Variants in CTSB observed in about 807,000 individuals in gnomAD.
The protein encoded by CTSB is cathepsin B, also known as APP secretase.
In CTSB, 57 loss-of-function variants were observed where a neutral mutation model predicts 44.3. The ratio of observed to expected loss-of-function variants is 1.29; its 90% CI spans 1.04 to 1.60. The LOEUF (loss-of-function observed/expected upper bound fraction) is 1.60. Among genes scored for constraint, CTSB ranks in the 40% most tolerant of loss-of-function variants. The pLI, the probability that CTSB is intolerant of heterozygous loss-of-function variation, is 0.00. For missense variants in CTSB, 768 were observed against 443.0 expected, an observed-to-expected ratio of 1.73 and a Z score of -6.59; for synonymous variants, 320 against 168.0, an observed-to-expected ratio of 1.91 and a Z score of -7.00.
At position 11,842,955 on chromosome 8, in the gene CTSB, TTTTTAA is replaced by T; in HGVS notation, c.*2164_*2169del. 7.0e-6 allele frequency: 1 copy of T among 142,046 alleles called. No homozygotes were observed. The highest frequency in any genetic ancestry group is 1.5e-5 in the Non-Finnish European group (1 of 65,472). The allele number at this position is 142,046 out of a possible 1,614,324, so 8.8% of individuals were successfully genotyped here. A position where few individuals can be genotyped will look rare whatever the true frequency, so the allele number is the denominator to read the frequency against. On this transcript the variant is annotated 3_prime_UTR_variant, in exon 10 of 10. Coordinates refer to ENST00000353047, the MANE Select transcript of CTSB (RefSeq NM_001908.5). The stretch of plus-strand genomic sequence containing the variant: ...CCCGGCCTTTTTTTTTTTTTTTTTT[TTTTTAA>T]TTATTGAGACGGAGCCTTGCGCTGT...
chr8:11,861,849 T>C (rs1816462276), intron 1 of CTSB, among the ~76,000 whole-genome samples: 1 of 152,166 alleles, frequency 6.6e-6, no homozygotes, highest in Non-Finnish European at 1.5e-5. Context: ...GGCGGTTCCC[T>C]AATTCAACCG....
chr8:11,845,426 C>G (rs1254952980), intron 9 of CTSB, among the ~76,000 whole-genome samples: 2 of 152,238 alleles, frequency 1.3e-5, no homozygotes, highest in African/African-American at 4.8e-5. Context: ...CTTCCCATCA[C>G]AGGATCTGGC....
At chr8:11,848,479 C>T (rs1813882990) in intron 5 of CTSB, 1 of 429,222 alleles carries the variant, frequency 2.3e-6, no homozygotes, top group African/African-American at 2.0e-5. Flanking sequence ...CTAAACTTCC[C>T]TAAGGTACTT....
intron 4 of CTSB, chr8:11,849,663 C>T (rs1404642460): frequency 3.9e-5 from 6 of 152,584 alleles, no homozygotes. Flanking sequence ...TCACTGCAAC[C>T]TACGCCTCCT....
intron 8 of CTSB, 47 bp downstream of exon 8, chr8:11,847,005 C>T (rs375816064): frequency 3.3e-6 from 3 of 906,820 alleles, no homozygotes; most frequent in Non-Finnish European, 5.6e-6. Flanking sequence ...CACCCAGGCT[C>T]CCCTCCCGAC....
chr8:11,844,114 A>T lies in CTSB; in HGVS notation c.*1011T>A, dbSNP rs1812776578. 6.6e-6 allele frequency: 1 copy of T among 152,274 alleles called. No individual in the cohort carries two copies. The highest frequency in any genetic ancestry group is 1.5e-5 in the Non-Finnish European group (1 of 68,052). 9.4% of individuals were successfully genotyped at this position (152,274 alleles called of 1,614,324 possible). On this transcript the variant is annotated 3_prime_UTR_variant, in exon 10 of 10. Coordinates refer to ENST00000353047, the MANE Select transcript of CTSB (RefSeq NM_001908.5). Reference sequence around the variant, plus strand: ...CAAGCTTACCAGGCACTTACAGAGAAGGTTGACGAGGATGACAGGGAACTA... The same window carrying T: ...CAAGCTTACCAGGCACTTACAGAGATGGTTGACGAGGATGACAGGGAACTA...
rs1033965773 is a variant in CTSB at position 11,845,323 on chromosome 8, C to T, written c.923-101G>A. On this transcript the variant is annotated intron_variant, in intron 9 of 9. Transcript: ENST00000353047. ...CTTAAGTCACTCATCCCTGGCCACT[C>T]CTGCTGTTGGCCCACTAGCACAGTC... 11 of 903,294 alleles carry T rather than the reference C, an allele frequency of 1.2e-5. No individual in the cohort carries two copies. In the African/African-American group the frequency reaches 1.3e-4, roughly 11 times the overall value. 56.0% of individuals were successfully genotyped at this position (903,294 alleles called of 1,614,324 possible). A position where few individuals can be genotyped will look rare whatever the true frequency, so the allele number is the denominator to read the frequency against.
chr8:11,848,819 T>G, intron 5 of CTSB: 1 of 458,174 alleles, frequency 2.2e-6, no homozygotes, highest in Non-Finnish European at 4.1e-6. Context: ...ACTGACTGTT[T>G]TGCTGGGATG....
In CTSB at chr8:11,848,166, C is replaced by G. The variant is rs779076886; in HGVS notation, c.447-14G>C. On this transcript the variant is annotated splice_polypyrimidine_tract_variant and intron_variant, in intron 5 of 9. Coordinates refer to ENST00000353047, the MANE Select transcript of CTSB (RefSeq NM_001908.5). ...CCACCATTACAGCTGAAAAGACAGC[C>G]TCTAATGAAAACCTCTGAGAGAAGC... 7 of 1,612,302 alleles carry G rather than the reference C, an allele frequency of 4.3e-6. No homozygotes were observed. The highest frequency in any genetic ancestry group is 1.1e-5 in the South Asian group (1 of 91,054).
At chr8:11,847,644 C>A in intron 7 of CTSB, 35 bp downstream of exon 7, 2 of 1,505,530 alleles carry the variant, frequency 1.3e-6, no homozygotes, top group Non-Finnish European at 1.8e-6. Context: ...TCCCCAGCCT[C>A]CACGTGCGCC....
At chr8:11,861,373 G>A (rs142593517) in intron 1 of CTSB, 2 of 152,590 alleles carry the variant, frequency 1.3e-5, no homozygotes, top group East Asian at 3.9e-4. Flanking sequence ...GAACCAGGTT[G>A]GCCACTCACA....
chr8:11,865,610 AAAG>A (rs1293644295), intron 1 of CTSB: 1 of 151,586 alleles, frequency 6.6e-6, no homozygotes, highest in Non-Finnish European at 1.5e-5. Flanking sequence ...GAGAGAGAGA[AAAG>A]AAGAATCGAC....
At chr8:11,848,617 A>G (rs1443332449) in intron 5 of CTSB, 5 of 316,114 alleles carry the variant, frequency 1.6e-5, no homozygotes, top group Non-Finnish European at 3.1e-5. Context: ...GAACACCGCT[A>G]CTGCGGAACC....
At chr8:11,851,865 T>C (rs1212577368) in intron 3 of CTSB, among the ~76,000 whole-genome samples, 2 of 151,626 alleles carry the variant, frequency 1.3e-5, no homozygotes, top group Non-Finnish European at 2.9e-5. Context: ...CGGGGTTTCA[T>C]CATGTTGGTC....
intron 1 of CTSB, among the ~76,000 whole-genome samples, chr8:11,860,109 T>G (rs1040480882): frequency 6.6e-6 from 1 of 152,086 alleles, no homozygotes; most frequent in Non-Finnish European, 1.5e-5. Context: ...TCTTACATGG[T>G]CACAGAGCCC....
chr8:11,845,683 C>G lies in CTSB; in HGVS notation c.900G>C (p.Trp300Cys). 6.2e-7 allele frequency: 1 copy of G among 1,613,856 alleles called. No homozygotes were observed. Among genetic ancestry groups the G allele is most frequent in the Non-Finnish European group, 8.5e-7 (1 of 1,179,772 alleles). ...CACCATTGTCACCCCAGTCAGTGTTCCAGGAGTTGGCAACCAGCCAGTAGG... is the reference window on the plus strand; with the variant it reads ...CACCATTGTCACCCCAGTCAGTGTTGCAGGAGTTGGCAACCAGCCAGTAGG... ...GTPYWLVANS[W>C]NTDWGDNGFF... The change falls in exon 9 of 10, where the codon TGG (tryptophan) becomes TGC (cysteine). Residue 300 changes from tryptophan (W) to cysteine (C), a missense_variant. Physicochemically the swap from Trp to Cys is radical, Grantham distance 215. Transcript: ENST00000353047.
rs1188835036 is a variant in CTSB, at chr8:11,843,615, G to C, written c.*1510C>G. On this transcript the variant is annotated 3_prime_UTR_variant, in exon 10 of 10. Coordinates refer to ENST00000353047, the MANE Select transcript of CTSB (RefSeq NM_001908.5). ...GGCCCTGACTCCAGCCCAAACCAAG[G>C]CTGGAGGGCATCCAGGGGGATGTGG... is the stretch of plus-strand genomic sequence containing the variant. The C allele has an allele frequency of 1.3e-5, 2 of 152,270 alleles. No homozygotes were observed. The highest frequency in any genetic ancestry group is 2.9e-5 in the Non-Finnish European group (2 of 68,060). The allele number at this position is 152,270 out of a possible 1,614,324, so 9.4% of individuals were successfully genotyped here.
intron 1 of CTSB, among the ~76,000 whole-genome samples, chr8:11,862,710 G>C (rs376468619): frequency 6.6e-6 from 1 of 152,228 alleles, no homozygotes; most frequent in Non-Finnish European, 1.5e-5. Flanking sequence ...TGGGACTTGC[G>C]CAAGCCAGGA....
rs1813543881 is a variant in CTSB at position 11,847,153 on chromosome 8, C to G, written c.692G>C (p.Ser231Thr). ...GATGTCCTTCTCGCTATTGGAGACGCTGTAGGAATTGTATCCTGGAAAATG... is the reference window on the plus strand; with the variant it reads ...GATGTCCTTCTCGCTATTGGAGACGGTGTAGGAATTGTATCCTGGAAAATG... The part of the protein sequence containing the change: ...QDKHYGYNSY[S>T]VSNSEKDIMA... Residue 231 changes from serine to threonine, a missense_variant, in exon 8 of 10, where the codon AGC becomes ACC. By Grantham distance (58) the Ser-to-Thr change is moderately conservative (BLOSUM62 1). Transcript: ENST00000353047. 7 of 1,611,812 alleles carry G rather than the reference C, an allele frequency of 4.3e-6. No homozygotes were observed. Among genetic ancestry groups the G allele is most frequent in the Non-Finnish European group, 5.9e-6 (7 of 1,177,980 alleles).
Sources: gnomAD v4.1 joint callset for allele counts (sites outside exome capture counted in the v4.1 genomes callset) on GRCh38, gnomAD v4.1.1 for gene constraint, MANE v1.5 for transcripts, NCBI Gene and HGNC (gene_info 2026-07-23, HGNC 2026-07-21) for gene names.